The following ZSWIM3 variants were observed in gnomAD, a reference collection of about 807,000 sequenced individuals.
ZSWIM3 encodes zinc finger SWIM domain-containing protein 3.
A neutral mutation model predicts 47.5 loss-of-function variants in ZSWIM3; 27 were observed. The ratio of observed to expected loss-of-function variants is 0.57; its 90% CI spans 0.42 to 0.78. ZSWIM3 has a LOEUF of 0.78. Ranked by LOEUF, ZSWIM3 falls within the 30% of genes least tolerant of loss-of-function variation. ZSWIM3 has a pLI of 0.00. For missense variants in ZSWIM3, 689 were observed against 861.3 expected (o/e 0.80, Z 2.50); for synonymous variants, 333 against 333.9 (o/e 1.00, Z 0.03).
At chr20:45,861,698 C>T (rs1661873856) in intron 1 of ZSWIM3, among the ~76,000 whole-genome samples, 1 of 152,018 alleles carries the variant, frequency 6.6e-6, no homozygotes, top group African/African-American at 2.4e-5. Flanking sequence ...CCTCAGCCTC[C>T]TAAGTAGCTA....
chr20:45,857,629 C>T lies in ZSWIM3; in HGVS notation c.-197C>T, dbSNP rs1233416185. ...CATTTCCCCTGTCAGATAGCAAATA[C>T]ACCCCCTTCCTCTTGTAACCCGGTC... On this transcript the variant is annotated 5_prime_UTR_variant, in exon 1 of 2. Coordinates refer to ENST00000255152, the MANE Select transcript of ZSWIM3 (RefSeq NM_080752.4). The T allele has an allele frequency of 1.4e-6, 1 of 700,218 alleles. No homozygotes were observed. Among genetic ancestry groups the T allele is most frequent in the East Asian group, 2.5e-5 (1 of 39,492 alleles). 43.4% of individuals were successfully genotyped at this position (700,218 alleles called of 1,614,324 possible).
chr20:45,862,486 T>TTAC lies in ZSWIM3; in HGVS notation c.155+4507_155+4508insACT, dbSNP rs1568744995. Reference sequence around the variant, plus strand: ...TATTTATTTATTTCATTTTTATTTATTTACTTACTTACTTACTTATTTTGA... The same window carrying TTAC: ...TATTTATTTATTTCATTTTTATTTATTACTTACTTACTTACTTACTTATTTTGA... On this transcript the variant is annotated intron_variant, in intron 1 of 1. Coordinates refer to ENST00000255152, the MANE Select transcript of ZSWIM3 (RefSeq NM_080752.4). Among the ~76,000 whole-genome samples the TTAC allele has an allele frequency of 1.4e-3, 207 of 151,580 alleles. 1 individual carries two copies. Among genetic ancestry groups the TTAC allele is most frequent in the African/African-American group, 4.6e-3 (190 of 41,298 alleles).
intron 1 of ZSWIM3, among the ~76,000 whole-genome samples, chr20:45,862,295 G>C (rs919699229): frequency 2.7e-5 from 4 of 150,368 alleles, no homozygotes; most frequent in African/African-American, 9.8e-5. Context: ...TTACAGGCAC[G>C]CACCACCCCA....
intron 1 of ZSWIM3, among the ~76,000 whole-genome samples, chr20:45,868,629 C>G (rs1174870010): frequency 2.6e-5 from 4 of 151,634 alleles, no homozygotes; most frequent in Non-Finnish European, 5.9e-5. Context: ...GTGATCCACT[C>G]GCCTCGGTCT....
Position 45,877,847 on chromosome 20 carries a change from G to C in ZSWIM3, c.1289G>C (p.Gly430Ala). The stretch of plus-strand genomic sequence containing the variant: ...TACATAGACTTCTTTAATACCAAAG[G>C]CTTGAAGAACTTGCCCACACCTCCT... ...VDYIDFFNTKGLKNLPTPPPK... is the reference protein window; with the variant it reads ...VDYIDFFNTKALKNLPTPPPK... Residue 430 changes from glycine to alanine, a missense_variant, in exon 2 of 2, where the codon GGC (glycine) becomes GCC (alanine). Coordinates refer to ENST00000255152, the MANE Select transcript of ZSWIM3 (RefSeq NM_080752.4). 6.2e-7 allele frequency: 1 copy of C among 1,614,168 alleles called. No homozygotes were observed. The highest frequency in any genetic ancestry group is 2.2e-5 in the East Asian group (1 of 44,886).
At chr20:45,859,007 GA>G (rs1985629438) in intron 1 of ZSWIM3, among the ~76,000 whole-genome samples, 1 of 152,146 alleles carries the variant, frequency 6.6e-6, no homozygotes, top group Non-Finnish European at 1.5e-5. Context: ...AGGGACAACA[GA>G]AGTGTGAAAT....
At position 45,877,787 on chromosome 20, in the gene ZSWIM3, A is replaced by T. The variant is rs368881435; in HGVS notation, c.1229A>T (p.Gln410Leu). 6.2e-7 allele frequency: 1 copy of T among 1,614,208 alleles called. No homozygotes were observed. The highest frequency in any genetic ancestry group is 8.5e-7 in the Non-Finnish European group (1 of 1,180,028). Residue 410 changes from glutamine to leucine, a missense_variant, in exon 2 of 2, where the codon CAG becomes CTG. Coordinates refer to ENST00000255152, the MANE Select transcript of ZSWIM3 (RefSeq NM_080752.4). ...SKVSSLFREQQSLLDCILCFV... is the reference protein window; with the variant it reads ...SKVSSLFREQLSLLDCILCFV... ...GTGTCAAGCCTCTTTCGGGAACAGC[A>T]GTCGCTGCTGGACTGCATCCTCTGC...
chr20:45,867,297 G>A (rs1056777143), intron 1 of ZSWIM3, among the ~76,000 whole-genome samples: 3 of 151,994 alleles, frequency 2.0e-5, no homozygotes, highest in South Asian at 2.1e-4. Context: ...GTGAGCCACC[G>A]CACCTGGCCA....
chr20:45,857,641 C>T lies in ZSWIM3; in HGVS notation c.-185C>T, dbSNP rs1985558191. The T allele has an allele frequency of 1.3e-6, 1 of 742,152 alleles. No individual in the cohort carries two copies. Among genetic ancestry groups the T allele is most frequent in the African/African-American group, 1.7e-5 (1 of 57,218 alleles). 46.0% of individuals were successfully genotyped at this position (742,152 alleles called of 1,614,324 possible). The stretch of plus-strand genomic sequence containing the variant: ...CAGATAGCAAATACACCCCCTTCCT[C>T]TTGTAACCCGGTCAGGCCTAGGGTT... On this transcript the variant is annotated 5_prime_UTR_variant, in exon 1 of 2. Coordinates refer to ENST00000255152, the MANE Select transcript of ZSWIM3 (RefSeq NM_080752.4).
chr20:45,858,297 C>A (rs1347929844), intron 1 of ZSWIM3, among the ~76,000 whole-genome samples: 1 of 152,226 alleles, frequency 6.6e-6, no homozygotes. Flanking sequence ...ATAAAAACAC[C>A]TTGGCGATAA....
rs567026538 is a variant in ZSWIM3 at position 45,876,994 on chromosome 20, G to A, written c.436G>A (p.Val146Ile). 4.3e-6 allele frequency: 7 copies of A among 1,614,102 alleles called. 1 individual carries two copies. In the South Asian group the frequency reaches 4.4e-5, roughly 10 times the overall value. ...KDLDTAEKSL[V>I]EPSFCLDKVQ... ...CCTTGACACTGCCGAGAAGTCCCTG[G>A]TTGAGCCATCGTTTTGCCTAGATAA... Residue 146 changes from valine (V) to isoleucine (I), a missense_variant, in exon 2 of 2, where the codon GTT (valine) becomes ATT (isoleucine). Physicochemically the swap from Val to Ile is conservative, Grantham distance 29. Coordinates refer to ENST00000255152, the MANE Select transcript of ZSWIM3 (RefSeq NM_080752.4).
At chr20:45,858,035 C>T in intron 1 of ZSWIM3, 55 bp downstream of exon 1, 4 of 1,566,020 alleles carry the variant, frequency 2.6e-6, no homozygotes, top group Non-Finnish European at 2.6e-6. Context: ...GCTGGACCTC[C>T]GGAGGGCTGC....
rs1000196622 is a variant in ZSWIM3, at chr20:45,871,499, C to T, written c.156-5215C>T. Reference sequence around the variant, plus strand: ...ACTGGGATAGAATTTTCTTAGAAGACGTGGCTCCTAGTCCTAGCACTATTA... The same window carrying T: ...ACTGGGATAGAATTTTCTTAGAAGATGTGGCTCCTAGTCCTAGCACTATTA... On this transcript the variant is annotated intron_variant, in intron 1 of 1. Transcript: ENST00000255152. Among the ~76,000 whole-genome samples, 8 of 152,154 alleles carry T rather than the reference C, an allele frequency of 5.3e-5. No individual in the cohort carries two copies. The South Asian group carries it at 1.0e-3, about 20-fold the overall frequency.
At chr20:45,871,311 A>G (rs566777120) in intron 1 of ZSWIM3, among the ~76,000 whole-genome samples, 150 of 152,276 alleles carry the variant, frequency 9.9e-4, no homozygotes, top group African/African-American at 3.5e-3. Context: ...CTTCCTTCCA[A>G]TCTACTCTGT....
chr20:45,859,805 A>AC (rs1436928276), intron 1 of ZSWIM3, among the ~76,000 whole-genome samples: 2 of 148,838 alleles, frequency 1.3e-5, no homozygotes, highest in Non-Finnish European at 3.0e-5. Flanking sequence ...AAAAAAAAAA[A>AC]AAAAAAAAAA....
At chr20:45,869,871 C>G (rs1163582800) in intron 1 of ZSWIM3, among the ~76,000 whole-genome samples, 1 of 149,964 alleles carries the variant, frequency 6.7e-6, no homozygotes, top group Non-Finnish European at 1.5e-5. Context: ...GATGAAACCC[C>G]CATCTCTACT....
intron 1 of ZSWIM3, among the ~76,000 whole-genome samples, chr20:45,862,150 G>GT (rs554675361): frequency 0.017 from 2,471 of 141,976 alleles, 53 homozygotes; most frequent in African/African-American, 0.052. Flanking sequence ...GTTTTTTTTG[G>GT]TTTTTTTTTT....
rs763779477 is a variant in ZSWIM3 at position 45,877,579 on chromosome 20, G to A, written c.1021G>A (p.Val341Ile). The A allele has an allele frequency of 2.5e-6, 4 of 1,614,198 alleles. No homozygotes were observed. The South Asian group carries it at 4.4e-5, about 18-fold the overall frequency. ...GGAAGCCCTGCGGGAGGCCGTGTTT[G>A]TCACTTCTGAAGCCAGCCTGAAAAA... ...MKEALREAVF[V>I]TSEASLKNLC... Residue 341 changes from valine to isoleucine, a missense_variant, in exon 2 of 2, where the codon GTC (valine) becomes ATC (isoleucine). Val to Ile is a conservative substitution (Grantham distance 29). Transcript: ENST00000255152.
chr20:45,876,164 T>A (rs1372061645), intron 1 of ZSWIM3, among the ~76,000 whole-genome samples: 1 of 152,022 alleles, frequency 6.6e-6, no homozygotes. Context: ...TGCCTCAGCC[T>A]CCCGAGTAGC....
Sources: allele counts gnomAD v4.1 joint callset (sites outside exome capture counted in the v4.1 genomes callset), GRCh38; gene constraint gnomAD v4.1.1; transcripts MANE v1.5; gene names NCBI Gene and HGNC (gene_info 2026-07-23, HGNC 2026-07-21).